The following CNTN5 variants were observed in gnomAD, a reference collection of about 807,000 sequenced individuals.
The protein encoded by CNTN5 is contactin-5.
In CNTN5, 77 loss-of-function variants were observed where a neutral mutation model predicts 129.1. That is an observed-to-expected ratio of 0.60 (90% confidence interval 0.50 to 0.72). The LOEUF (loss-of-function observed/expected upper bound fraction) is 0.72. Among genes scored for constraint, CNTN5 ranks in the 30% least tolerant of loss-of-function variants. The pLI, the probability that CNTN5 is intolerant of heterozygous loss-of-function variation, is 0.00. For synonymous variants in CNTN5, 509 were observed against 465.6 expected (o/e 1.09, Z -1.20); for missense variants, 1,478 against 1,328.8 (o/e 1.11, Z -1.75).
intron 1 of CNTN5, among the ~76,000 whole-genome samples, chr11:99,232,060 T>C (rs1861028084): frequency 1.3e-5 from 2 of 152,296 alleles, no homozygotes; most frequent in Admixed American, 6.5e-5. Context: ...AGCCTTGTAG[T>C]ATAGTTTGAG....
At chr11:99,718,878 A>G (rs1366847653) in intron 3 of CNTN5, among the ~76,000 whole-genome samples, 2 of 152,172 alleles carry the variant, frequency 1.3e-5, no homozygotes, top group Non-Finnish European at 1.5e-5. Flanking sequence ...CCAGGTTTCA[A>G]TTCTATCTAC....
intron 2 of CNTN5, among the ~76,000 whole-genome samples, chr11:99,546,701 C>T (rs1017085997): frequency 1.3e-5 from 2 of 152,110 alleles, no homozygotes; most frequent in Non-Finnish European, 2.9e-5. Context: ...ATAAAATTCA[C>T]ACTCCTTTCA....
At chr11:99,241,945 C>A (rs1202037766) in intron 1 of CNTN5, among the ~76,000 whole-genome samples, 1 of 152,126 alleles carries the variant, frequency 6.6e-6, no homozygotes, top group Non-Finnish European at 1.5e-5. Context: ...TACACACACA[C>A]ACAATTTATC....
chr11:99,207,819 G>A (rs1200415662), intron 1 of CNTN5, among the ~76,000 whole-genome samples: 3 of 152,098 alleles, frequency 2.0e-5, no homozygotes, highest in African/African-American at 7.2e-5. Context: ...CTACATCTTA[G>A]CATTTTGCAG....
chr11:99,326,138 T>TA (rs1441810663), intron 2 of CNTN5, among the ~76,000 whole-genome samples: 1 of 152,230 alleles, frequency 6.6e-6, no homozygotes, highest in Non-Finnish European at 1.5e-5. Flanking sequence ...ATGAATACTC[T>TA]AAAATACTTT....
rs767890493 is a variant in CNTN5 at position 100,356,141 on chromosome 11, C to G, written c.3224C>G (p.Ser1075Trp). The change falls in exon 25 of 25, where the codon TCG becomes TGG. Residue 1075 changes from serine (S) to tryptophan (W), a missense_variant. Coordinates refer to ENST00000524871, the MANE Select transcript of CNTN5 (RefSeq NM_014361.4). ...GGTGGAAAAATCACAAGTGCACAGT[C>G]GACCCTTCACTCTCTCTCCACATCT... Reference protein sequence around the residue: ...YSGGKITSAQSTLHSLSTSSS... With the variant: ...YSGGKITSAQWTLHSLSTSSS... 6.2e-7 allele frequency: 1 copy of G among 1,609,552 alleles called. No individual in the cohort carries two copies. The highest frequency in any genetic ancestry group is 1.1e-5 in the South Asian group (1 of 90,548).
intron 2 of CNTN5, among the ~76,000 whole-genome samples, chr11:99,425,504 G>C (rs1312559882): frequency 1.3e-5 from 2 of 152,196 alleles, no homozygotes; most frequent in African/African-American, 4.8e-5. Flanking sequence ...GTTTGTAGAG[G>C]GACAAGGTGG....
chr11:99,237,993 C>T (rs73532959), intron 1 of CNTN5, among the ~76,000 whole-genome samples: 2,578 of 152,174 alleles, frequency 0.017, 86 homozygotes, highest in African/African-American at 0.059. Context: ...TATAACAGAG[C>T]GCTATTGTAA....
At chr11:100,056,733 T>C (rs1943243337) in intron 9 of CNTN5, among the ~76,000 whole-genome samples, 1 of 151,528 alleles carries the variant, frequency 6.6e-6, no homozygotes, top group South Asian at 2.1e-4. Flanking sequence ...CATAGAGTAG[T>C]AGTTTTCTGG....
chr11:99,720,372 T>TATGATTCATTACATAAACAGA (rs1459626989), intron 3 of CNTN5, among the ~76,000 whole-genome samples: 1 of 152,168 alleles, frequency 6.6e-6, no homozygotes, highest in Admixed American at 6.5e-5. Context: ...AATCAGTAAA[T>TATGATTCATTACATAAACAGA]ATGATTCATT....
intron 1 of CNTN5, among the ~76,000 whole-genome samples, chr11:99,297,495 T>G (rs1864443015): frequency 6.6e-6 from 1 of 152,188 alleles, no homozygotes; most frequent in Non-Finnish European, 1.5e-5. Context: ...AAACCCATTC[T>G]TGGCCAAGAG....
chr11:99,203,844 C>T (rs527792980), intron 1 of CNTN5, among the ~76,000 whole-genome samples: 6 of 152,174 alleles, frequency 3.9e-5, no homozygotes, highest in East Asian at 3.9e-4. Context: ...GTGATCCACC[C>T]GACTCAGCCT....
At chr11:99,045,951 T>C (rs1013996315) in intron 1 of CNTN5, among the ~76,000 whole-genome samples, 5 of 152,194 alleles carry the variant, frequency 3.3e-5, no homozygotes, top group Non-Finnish European at 7.3e-5. Flanking sequence ...AGTCAAGTTA[T>C]TATTCCAGGA....
intron 2 of CNTN5, among the ~76,000 whole-genome samples, chr11:99,503,052 A>G (rs750225711): frequency 1.3e-5 from 2 of 152,336 alleles, no homozygotes; most frequent in Non-Finnish European, 2.9e-5. Context: ...TTATATATCT[A>G]TCCTTTCCAT....
At chr11:100,338,120 G>A (rs1256306552) in intron 21 of CNTN5, among the ~76,000 whole-genome samples, 1 of 152,230 alleles carries the variant, frequency 6.6e-6, no homozygotes, top group East Asian at 1.9e-4. Context: ...GGAAGAAAAT[G>A]TGGCTAATTA....
chr11:99,961,711 A>C (rs1489195044), intron 8 of CNTN5, among the ~76,000 whole-genome samples: 1 of 152,234 alleles, frequency 6.6e-6, no homozygotes, highest in Non-Finnish European at 1.5e-5. Context: ...TCTCTTAATA[A>C]TATGAATGAG....
At chr11:99,394,833 T>C (rs914074925) in intron 2 of CNTN5, among the ~76,000 whole-genome samples, 14 of 151,878 alleles carry the variant, frequency 9.2e-5, no homozygotes, top group Non-Finnish European at 1.5e-4. Context: ...CCAAGAATAA[T>C]GGCCTCCAGC....
chr11:100,169,415 G>C (rs1947757511), intron 13 of CNTN5, among the ~76,000 whole-genome samples: 1 of 151,886 alleles, frequency 6.6e-6, no homozygotes, highest in Non-Finnish European at 1.5e-5. Context: ...TGAATAATCT[G>C]AGTATTTGCC....
chr11:99,868,427 T>C (rs1200043892), intron 6 of CNTN5, among the ~76,000 whole-genome samples: 1 of 152,188 alleles, frequency 6.6e-6, no homozygotes, highest in Non-Finnish European at 1.5e-5. Context: ...AGATAAGCCA[T>C]CCTCATTTTG....
Sources: allele counts gnomAD v4.1 joint callset (sites outside exome capture counted in the v4.1 genomes callset), GRCh38; gene constraint gnomAD v4.1.1; transcripts MANE v1.5; gene names NCBI Gene and HGNC (gene_info 2026-07-23, HGNC 2026-07-21).